Variants in MTCH2 observed in about 807,000 individuals in gnomAD.
The protein encoded by MTCH2 is mitochondrial carrier 2.
MTCH2 carries 25 observed loss-of-function variants against 50.6 expected under a neutral mutation model. The observed-to-expected ratio is 0.49, with a 90% CI of 0.36 to 0.69. MTCH2 has a LOEUF of 0.69. Among genes scored for constraint, MTCH2 ranks in the 30% least tolerant of loss-of-function variants. The pLI, the probability that MTCH2 is intolerant of heterozygous loss-of-function variation, is 0.00. For synonymous variants in MTCH2, 106 were observed against 132.0 expected (o/e 0.80, Z 1.35); for missense variants, 273 against 384.4 (o/e 0.71, Z 2.42).
chr11:47,614,630 G>A (rs893088447), downstream of MTCH2, among the ~76,000 whole-genome samples: 9 of 152,040 alleles, frequency 5.9e-5, no homozygotes, highest in Non-Finnish European at 2.9e-5. Context: ...TGCCCAGGCC[G>A]GAGTACGTTG....
chr11:47,609,350 T>A, the MTCH2 span, among the ~76,000 whole-genome samples: 2 of 148,378 alleles, frequency 1.3e-5, no homozygotes, highest in African/African-American at 5.0e-5. Context: ...CAGCTACTCT[T>A]GGGAGGCTGA....
Position 47,630,435 on chromosome 11 carries a change from A to T in MTCH2, c.539+120T>A, listed in dbSNP as rs932167220. On this transcript the variant is annotated intron_variant, in intron 8 of 12. Transcript: ENST00000302503. Reference sequence around the variant, plus strand: ...AAATAAGGGGCCTAAATAGAATGTAACGTGAGGTAAGCCCAGGGAGTACGT... The same window carrying T: ...AAATAAGGGGCCTAAATAGAATGTATCGTGAGGTAAGCCCAGGGAGTACGT... 5 of 876,098 alleles carry T rather than the reference A, an allele frequency of 5.7e-6. No homozygotes were observed. In the African/African-American group the frequency reaches 8.5e-5, roughly 15 times the overall value. The allele number at this position is 876,098 out of a possible 1,614,324, so 54.3% of individuals were successfully genotyped here. A position where few individuals can be genotyped will look rare whatever the true frequency, so the allele number is the denominator to read the frequency against.
At chr11:47,631,183 C>T (rs570919306) in intron 6 of MTCH2, 96 bp from the exon 7 acceptor site, 30 of 952,328 alleles carry the variant, frequency 3.2e-5, no homozygotes, top group East Asian at 5.0e-5. Flanking sequence ...CCGAGGTGGG[C>T]GGATCACCTG....
chr11:47,616,682 CT>C (rs1313533322), downstream of MTCH2, among the ~76,000 whole-genome samples: 437 of 137,272 alleles, frequency 3.2e-3, no homozygotes, highest in Middle Eastern at 3.8e-3. Context: ...CTTTTTTTTT[CT>C]TTTTTTTTTT....
chr11:47,634,101 G>C (rs1473754121), intron 5 of MTCH2, among the ~76,000 whole-genome samples: 2 of 152,084 alleles, frequency 1.3e-5, no homozygotes, highest in African/African-American at 4.8e-5. Context: ...CTAAAGACAA[G>C]GTCTTGCTCT....
intron 1 of MTCH2, among the ~76,000 whole-genome samples, chr11:47,640,995 C>T (rs2097313675): frequency 6.6e-6 from 1 of 151,894 alleles, no homozygotes; most frequent in Non-Finnish European, 1.5e-5. Context: ...CTCCCGGGTT[C>T]AAGCGATTCT....
chr11:47,630,680 T>C (rs1482522579), intron 7 of MTCH2, 66 bp from the exon 8 acceptor site: 1 of 1,436,806 alleles, frequency 7.0e-7, no homozygotes, highest in African/African-American at 1.4e-5. Context: ...CAAAATAATT[T>C]CAATTATCAC....
intron 9 of MTCH2, among the ~76,000 whole-genome samples, 198 bp downstream of exon 9, chr11:47,628,755 T>A (rs2097300368): frequency 6.6e-6 from 1 of 152,124 alleles, no homozygotes; most frequent in Non-Finnish European, 1.5e-5. Context: ...TTTCTGTATT[T>A]TTAGTAGAGA....
chr11:47,637,475 G>A (rs1215465152), intron 3 of MTCH2, among the ~76,000 whole-genome samples: 1 of 152,094 alleles, frequency 6.6e-6, no homozygotes, highest in Non-Finnish European at 1.5e-5. Flanking sequence ...CTTTGTATCT[G>A]ATGGTTTCTA....
the MTCH2 span, among the ~76,000 whole-genome samples, chr11:47,608,144 A>G: frequency 2.6e-5 from 4 of 152,214 alleles, no homozygotes; most frequent in South Asian, 6.2e-4. Flanking sequence ...AGCAGTATTT[A>G]GCTTATATGG....
intron 11 of MTCH2, among the ~76,000 whole-genome samples, chr11:47,625,438 A>G (rs1323067089): frequency 3.2e-4 from 7 of 21,934 alleles, no homozygotes; most frequent in African/African-American, 1.0e-3. Context: ...AAAAAAAAAT[A>G]ATAATAATAA....
chr11:47,626,586 A>T (rs1565966415), intron 10 of MTCH2, among the ~76,000 whole-genome samples: 1 of 151,858 alleles, frequency 6.6e-6, no homozygotes, highest in Non-Finnish European at 1.5e-5. Context: ...TTCACATGTG[A>T]GTCTGTGGTT....
the MTCH2 span, among the ~76,000 whole-genome samples, chr11:47,605,770 A>G: frequency 1.3e-5 from 2 of 152,206 alleles, no homozygotes; most frequent in Admixed American, 6.5e-5. Context: ...GAGACAATCA[A>G]TGTCTAACTG....
At chr11:47,606,265 A>G in the MTCH2 span, among the ~76,000 whole-genome samples, 1 of 152,096 alleles carries the variant, frequency 6.6e-6, no homozygotes, top group Non-Finnish European at 1.5e-5. Context: ...CTCGGGGGAG[A>G]AAGAGGAAAA....
At chr11:47,639,509 T>A (rs1055205709) in intron 1 of MTCH2, among the ~76,000 whole-genome samples, 2 of 152,190 alleles carry the variant, frequency 1.3e-5, no homozygotes, top group African/African-American at 4.8e-5. Flanking sequence ...GATAATTCAC[T>A]TAGGAAAGAA....
At chr11:47,609,208 A>C in the MTCH2 span, among the ~76,000 whole-genome samples, 4 of 150,682 alleles carry the variant, frequency 2.7e-5, no homozygotes, top group Admixed American at 6.6e-5. Flanking sequence ...TAATCCCAGC[A>C]CTTTGGGAGG....
At chr11:47,609,799 A>G in the MTCH2 span, among the ~76,000 whole-genome samples, 3 of 152,162 alleles carry the variant, frequency 2.0e-5, no homozygotes, top group Admixed American at 2.0e-4. Flanking sequence ...TCTACTGCCT[A>G]CTGCCTTGAG....
In MTCH2 at chr11:47,638,710, T is replaced by C; in HGVS notation, c.268A>G (p.Lys90Glu). 4 of 1,613,870 alleles carry C rather than the reference T, an allele frequency of 2.5e-6. No homozygotes were observed. Among genetic ancestry groups the C allele is most frequent in the Non-Finnish European group, 3.4e-6 (4 of 1,179,746 alleles). ...AATTTTCCTCTTACCTGTAAAACTT[T>C]ACCATGGACCACAGTTCCAAGGACT... ...SGVLGTVVHGKVLQHYQESDK... is the reference protein window; with the variant it reads ...SGVLGTVVHGEVLQHYQESDK... The change falls in exon 3 of 13, where the codon AAA becomes GAA. Residue 90 changes from lysine (K) to glutamate (E), a missense_variant. Physicochemically the swap from Lys to Glu is moderately conservative, Grantham distance 56. Coordinates refer to ENST00000302503, the MANE Select transcript of MTCH2 (RefSeq NM_014342.4).
At chr11:47,607,196 G>A in the MTCH2 span, among the ~76,000 whole-genome samples, 2 of 152,160 alleles carry the variant, frequency 1.3e-5, no homozygotes, top group African/African-American at 2.4e-5. Context: ...CTATTATCAG[G>A]CTCATGGGGT....
Sources: allele counts gnomAD v4.1 joint callset (sites outside exome capture counted in the v4.1 genomes callset), GRCh38; gene constraint gnomAD v4.1.1; transcripts MANE v1.5; gene names NCBI Gene and HGNC (gene_info 2026-07-23, HGNC 2026-07-21).